The following NKAIN3 variants were observed in gnomAD, a reference collection of about 807,000 sequenced individuals.
NKAIN3 encodes sodium/potassium transporting ATPase interacting 3, also known as sodium/potassium-transporting ATPase subunit beta-1-interacting protein 3.
A neutral mutation model predicts 30.2 loss-of-function variants in NKAIN3; 25 were observed. That is an observed-to-expected ratio of 0.83 (90% CI 0.60 to 1.16). The LOEUF is 1.16. Among genes scored for constraint, NKAIN3 ranks in the 50% most tolerant of loss-of-function variants. The probability of loss-of-function intolerance (pLI) is 0.00; values close to 1 mark genes in which losing one functional copy is unlikely to be tolerated. For synonymous variants in NKAIN3, 91 were observed against 89.6 expected (o/e 1.02, Z -0.09); for missense variants, 225 against 254.1 (o/e 0.89, Z 0.78).
intron 1 of NKAIN3, among the ~76,000 whole-genome samples, chr8:62,431,293 C>T (rs986247608): frequency 2.0e-5 from 3 of 151,820 alleles, no homozygotes; most frequent in African/African-American, 4.8e-5. Context: ...TAACAAAGAA[C>T]TCTCATTTAA....
At chr8:62,560,442 T>C (rs1809529944) in intron 1 of NKAIN3, among the ~76,000 whole-genome samples, 1 of 151,986 alleles carries the variant, frequency 6.6e-6, no homozygotes, top group African/African-American at 2.4e-5. Flanking sequence ...TCAGTCTTTG[T>C]TCATTTTTTT....
intron 3 of NKAIN3, among the ~76,000 whole-genome samples, chr8:62,689,540 A>C (rs781703774): frequency 1.3e-5 from 2 of 152,186 alleles, no homozygotes; most frequent in Non-Finnish European, 2.9e-5. Flanking sequence ...TACATTTAAC[A>C]ACCAAAGTTG....
intron 1 of NKAIN3, among the ~76,000 whole-genome samples, chr8:62,433,582 T>C (rs1805081639): frequency 6.6e-6 from 1 of 152,130 alleles, no homozygotes; most frequent in African/African-American, 2.4e-5. Context: ...AATTTAGATA[T>C]CTATTACACT....
chr8:62,378,604 A>C (rs1817172365), intron 1 of NKAIN3, among the ~76,000 whole-genome samples: 1 of 152,182 alleles, frequency 6.6e-6, no homozygotes, highest in African/African-American at 2.4e-5. Flanking sequence ...AAAGGGGCCA[A>C]GGTACAGCTC....
intron 1 of NKAIN3, among the ~76,000 whole-genome samples, chr8:62,310,551 A>C (rs1260396101): frequency 1.3e-5 from 2 of 150,576 alleles, no homozygotes; most frequent in Non-Finnish European, 2.9e-5. Context: ...GATACATGGG[A>C]CTTTTTCCTT....
intron 1 of NKAIN3, among the ~76,000 whole-genome samples, chr8:62,435,411 C>T (rs922059596): frequency 1.3e-5 from 2 of 151,916 alleles, no homozygotes; most frequent in East Asian, 3.9e-4. Flanking sequence ...GTATGTGGAG[C>T]CAGGGGGACT....
At chr8:62,992,635 T>C (rs1364108171) in intron 5 of NKAIN3, among the ~76,000 whole-genome samples, 1 of 151,922 alleles carries the variant, frequency 6.6e-6, no homozygotes, top group Non-Finnish European at 1.5e-5. Flanking sequence ...CCCTTGCCCA[T>C]GCCATAGGTC....
At chr8:62,268,685 A>G (rs754870009) in intron 1 of NKAIN3, among the ~76,000 whole-genome samples, 3 of 152,146 alleles carry the variant, frequency 2.0e-5, no homozygotes, top group East Asian at 3.9e-4. Flanking sequence ...TCTTTTATAG[A>G]TAGGGAAAAG....
intron 1 of NKAIN3, among the ~76,000 whole-genome samples, chr8:62,256,278 A>G (rs1585602444): frequency 6.6e-6 from 1 of 151,920 alleles, no homozygotes; most frequent in East Asian, 1.9e-4. Context: ...AAAATAACCA[A>G]ACAGTAAGAT....
intron 4 of NKAIN3, among the ~76,000 whole-genome samples, chr8:62,823,609 C>G (rs76396230): frequency 0.013 from 1,946 of 152,278 alleles, 23 homozygotes; most frequent in Non-Finnish European, 0.02. Context: ...ATTAAGAAAG[C>G]CCTTCGTAAC....
chr8:62,794,340 A>G (rs1817792840), intron 4 of NKAIN3, among the ~76,000 whole-genome samples: 2 of 152,112 alleles, frequency 1.3e-5, no homozygotes, highest in African/African-American at 4.8e-5. Context: ...TTCACTTCCT[A>G]TGTCGTGTAT....
At chr8:62,387,436 G>A (rs1030434736) in intron 1 of NKAIN3, among the ~76,000 whole-genome samples, 1 of 151,962 alleles carries the variant, frequency 6.6e-6, no homozygotes, top group African/African-American at 2.4e-5. Context: ...CTTTCTGCAT[G>A]TAAACACCCA....
chr8:62,724,362 C>T (rs763710348), intron 3 of NKAIN3, among the ~76,000 whole-genome samples: 1 of 151,968 alleles, frequency 6.6e-6, no homozygotes, highest in Non-Finnish European at 1.5e-5. Context: ...ATCACCTCAA[C>T]CATTTATCTT....
chr8:62,671,325 C>A (rs1813296760), intron 3 of NKAIN3, among the ~76,000 whole-genome samples: 1 of 152,118 alleles, frequency 6.6e-6, no homozygotes, highest in East Asian at 1.9e-4. Flanking sequence ...TCTTGACAAA[C>A]AATAGTTTCA....
intron 5 of NKAIN3, among the ~76,000 whole-genome samples, chr8:62,922,234 G>T (rs532814532): frequency 7.9e-5 from 12 of 152,194 alleles, no homozygotes; most frequent in African/African-American, 2.6e-4. Flanking sequence ...ACATTTCATC[G>T]CTCTACTGTC....
At chr8:62,589,952 G>A (rs1002122977) in intron 3 of NKAIN3, among the ~76,000 whole-genome samples, 158 bp downstream of exon 3, 3 of 147,968 alleles carry the variant, frequency 2.0e-5, no homozygotes, top group African/African-American at 7.5e-5. Context: ...GAAGACTTTA[G>A]GTACCACTTA....
intron 3 of NKAIN3, among the ~76,000 whole-genome samples, chr8:62,693,762 TCTAA>T (rs1814059559): frequency 6.6e-6 from 1 of 152,168 alleles, no homozygotes; most frequent in Non-Finnish European, 1.5e-5. Flanking sequence ...CTTGGAGCAC[TCTAA>T]CTAATCTTAA....
intron 1 of NKAIN3, among the ~76,000 whole-genome samples, chr8:62,530,620 A>G (rs951939127): frequency 6.6e-6 from 1 of 151,844 alleles, no homozygotes; most frequent in African/African-American, 2.4e-5. Flanking sequence ...GTATGTATGT[A>G]TTTATTTATT....
chr8:62,708,784 A>G (rs758622945), intron 3 of NKAIN3, among the ~76,000 whole-genome samples: 1 of 152,178 alleles, frequency 6.6e-6, no homozygotes, highest in Non-Finnish European at 1.5e-5. Context: ...GAGAGTGGAC[A>G]TCCTTGTCTT....
Sources: allele counts gnomAD v4.1 joint callset (sites outside exome capture counted in the v4.1 genomes callset), GRCh38; gene constraint gnomAD v4.1.1; transcripts MANE v1.5; gene names NCBI Gene and HGNC (gene_info 2026-07-23, HGNC 2026-07-21).